The following FAM114A1 variants were observed in gnomAD, a reference collection of about 807,000 sequenced individuals.
FAM114A1 encodes protein NOXP20.
A neutral mutation model predicts 64.3 loss-of-function variants in FAM114A1; 62 were observed. The observed-to-expected ratio is 0.96, with a 90% CI of 0.79 to 1.19. The LOEUF is 1.19. FAM114A1 is among the 50% of genes most tolerant of loss of function. The pLI is 0.00. For missense variants in FAM114A1, 645 were observed against 676.3 expected (o/e 0.95, Z 0.51); for synonymous variants, 254 against 251.1 (o/e 1.01, Z -0.11).
chr4:38,909,788 G>C (rs946555459), intron 7 of FAM114A1, among the ~76,000 whole-genome samples: 8 of 152,182 alleles, frequency 5.3e-5, no homozygotes, highest in African/African-American at 1.7e-4. Flanking sequence ...CTATCACTGA[G>C]AATATGTTCA....
At chr4:38,929,381 G>C (rs748580512) in intron 10 of FAM114A1, 48 bp downstream of exon 10, 1 of 1,279,104 alleles carries the variant, frequency 7.8e-7, no homozygotes, top group Non-Finnish European at 1.1e-6. Context: ...AAACAGTGCA[G>C]GGGAGAGTCT....
intron 9 of FAM114A1, among the ~76,000 whole-genome samples, chr4:38,928,811 G>T (rs1402305932): frequency 3.9e-5 from 6 of 152,302 alleles, no homozygotes; most frequent in African/African-American, 9.6e-5. Context: ...GTACCATTAG[G>T]GTTGCAATGC....
chr4:38,932,309 A>G lies in FAM114A1; in HGVS notation c.1398A>G (p.Ala466=). 6.2e-7 allele frequency: 1 copy of G among 1,613,806 alleles called. No homozygotes were observed. The highest frequency in any genetic ancestry group is 8.5e-7 in the Non-Finnish European group (1 of 1,179,944). ...ARCIEQLHKV[A]ELILHGQEEE... is the part of the protein sequence containing the mutation. ...GTATTGAGCAGCTTCATAAAGTAGC[A>G]GAATTAATTCTTCATGGACAAGAAG... The change falls in exon 12 of 15, where the codon GCA becomes GCG. Residue 466 remains alanine (A), a synonymous_variant. Transcript: ENST00000358869.
intron 9 of FAM114A1, among the ~76,000 whole-genome samples, chr4:38,923,212 T>G (rs1719780304): frequency 6.7e-6 from 1 of 150,174 alleles, no homozygotes; most frequent in Non-Finnish European, 1.5e-5. Context: ...ATGACTAGAG[T>G]TTATGCTGCC....
chr4:38,891,291 A>T (rs1716354083), intron 3 of FAM114A1, among the ~76,000 whole-genome samples: 1 of 152,140 alleles, frequency 6.6e-6, no homozygotes. Context: ...CCCATCATCC[A>T]TGCCAAAGCA....
chr4:38,941,106 C>A, intron 14 of FAM114A1, 85 bp downstream of exon 14: 2 of 1,225,694 alleles, frequency 1.6e-6, no homozygotes, highest in Non-Finnish European at 2.3e-6. Context: ...TCTTCCCCCA[C>A]AGCAAATGTT....
At chr4:38,883,534 A>T (rs1024676344) in intron 3 of FAM114A1, among the ~76,000 whole-genome samples, 5 of 152,190 alleles carry the variant, frequency 3.3e-5, no homozygotes, top group Non-Finnish European at 7.3e-5. Context: ...AAGGCCGATT[A>T]TGGAGAAGGT....
chr4:38,938,230 C>T (rs1721272253), intron 13 of FAM114A1, among the ~76,000 whole-genome samples: 1 of 152,164 alleles, frequency 6.6e-6, no homozygotes, highest in Non-Finnish European at 1.5e-5. Context: ...ACCTGCAGAC[C>T]TACCTGGCTT....
intron 7 of FAM114A1, among the ~76,000 whole-genome samples, chr4:38,911,000 G>A (rs7655305): frequency 0.49 from 75,127 of 152,034 alleles, 21,064 homozygotes; most frequent in African/African-American, 0.76. Context: ...GGACCACTCT[G>A]GTTCCTGGGT....
chr4:38,889,266 A>T (rs575073369), intron 3 of FAM114A1, among the ~76,000 whole-genome samples: 2 of 152,352 alleles, frequency 1.3e-5, no homozygotes, highest in African/African-American at 4.8e-5. Context: ...ATAATGGTGT[A>T]AAATTGCTAC....
intron 4 of FAM114A1, among the ~76,000 whole-genome samples, chr4:38,892,552 ATGATATTCT>A (rs1434858952): frequency 3.9e-5 from 6 of 152,162 alleles, no homozygotes; most frequent in African/African-American, 1.4e-4. Flanking sequence ...CAAATTTGTC[ATGATATTCT>A]TCATGTTACC....
intron 3 of FAM114A1, among the ~76,000 whole-genome samples, chr4:38,880,074 TAAATAAAATA>T (rs60653462): frequency 0.16 from 21,190 of 130,756 alleles, 2,456 homozygotes; most frequent in Middle Eastern, 0.4. Flanking sequence ...CTCAAAAAAA[TAAATAAAATA>T]AAATAAAATA....
chr4:38,921,163 T>C (rs988019177), intron 8 of FAM114A1, among the ~76,000 whole-genome samples: 1 of 152,256 alleles, frequency 6.6e-6, no homozygotes, highest in Non-Finnish European at 1.5e-5. Context: ...AATAAAACTT[T>C]ACTACTTTAT....
At chr4:38,937,796 G>A (rs929475443) in intron 13 of FAM114A1, among the ~76,000 whole-genome samples, 3 of 152,040 alleles carry the variant, frequency 2.0e-5, no homozygotes, top group Admixed American at 6.5e-5. Context: ...GTGCAGTGGC[G>A]CGATCTTGGC....
intron 6 of FAM114A1, among the ~76,000 whole-genome samples, chr4:38,906,349 T>C (rs1718002596): frequency 6.6e-6 from 1 of 152,022 alleles, no homozygotes. Flanking sequence ...CCCTACCTCT[T>C]CATTCCCACC....
At chr4:38,899,710 C>G (rs1474376871) in intron 4 of FAM114A1, among the ~76,000 whole-genome samples, 1 of 152,142 alleles carries the variant, frequency 6.6e-6, no homozygotes, top group African/African-American at 2.4e-5. Flanking sequence ...TTAGAAGTCA[C>G]TCCTATATCA....
At position 38,877,924 on chromosome 4, in the gene FAM114A1, A is replaced by G. The variant is rs1159173896; in HGVS notation, c.-8-147A>G. ...GGTTGCAGTGAGCTGAGATCATGCC[A>G]TTGCACTCCAGCCTAGGCAACAAGA... On this transcript the variant is annotated intron_variant, in intron 2 of 14. Coordinates refer to ENST00000358869, the MANE Select transcript of FAM114A1 (RefSeq NM_138389.4). 9.2e-6 allele frequency: 6 copies of G among 649,894 alleles called. No individual in the cohort carries two copies. The African/African-American group carries it at 1.1e-4, about 12-fold the overall frequency. The allele number at this position is 649,894 out of a possible 1,614,324, so 40.3% of individuals were successfully genotyped here.
chr4:38,931,403 T>C, intron 10 of FAM114A1, 48 bp from the exon 11 acceptor site: 5 of 1,555,506 alleles, frequency 3.2e-6, no homozygotes, highest in Non-Finnish European at 4.3e-6. Context: ...ATGACTTAGT[T>C]TCCATATTTG....
At position 38,891,849 on chromosome 4, in the gene FAM114A1, A is replaced by G. The variant is rs1056607129; in HGVS notation, c.436+19A>G. 4 of 1,596,422 alleles carry G rather than the reference A, an allele frequency of 2.5e-6. No individual in the cohort carries two copies. Among genetic ancestry groups the G allele is most frequent in the Non-Finnish European group, 3.4e-6 (4 of 1,171,294 alleles). On this transcript the variant is annotated intron_variant, in intron 4 of 14. Coordinates refer to ENST00000358869, the MANE Select transcript of FAM114A1 (RefSeq NM_138389.4). ...ACAGTAGGTAAGCATTGTATGTTGC[A>G]TTGGAATAGACAAAGTACCAAAGCC... is the stretch of plus-strand genomic sequence containing the variant.
Sources: allele counts gnomAD v4.1 joint callset (sites outside exome capture counted in the v4.1 genomes callset), GRCh38; gene constraint gnomAD v4.1.1; transcripts MANE v1.5; gene names NCBI Gene and HGNC (gene_info 2026-07-23, HGNC 2026-07-21).